VCL: variants seen among roughly 807,000 people sequenced by gnomAD.
The protein encoded by VCL is vinculin, also known as epididymis luminal protein 114.
In VCL, 47 loss-of-function variants were observed where a neutral mutation model predicts 125.7. That is an observed-to-expected ratio of 0.37 (90% CI 0.30 to 0.48). VCL has a LOEUF of 0.48. Among genes scored for constraint, VCL ranks in the 20% least tolerant of loss-of-function variants. The pLI, the probability that VCL is intolerant of heterozygous loss-of-function variation, is 0.99. For synonymous variants in VCL, 458 were observed against 514.6 expected (o/e 0.89, Z 1.49); for missense variants, 1,069 against 1,455.5 (o/e 0.73, Z 4.32).
chr10:74,098,825 TC>T (rs1840009100), intron 13 of VCL, among the ~76,000 whole-genome samples: 1 of 152,158 alleles, frequency 6.6e-6, no homozygotes, highest in South Asian at 2.1e-4. Context: ...TTTTTTTAAT[TC>T]CAGACTTCTC....
intron 16 of VCL, 132 bp from the exon 17 acceptor site, chr10:74,107,098 C>T: frequency 1.4e-6 from 2 of 1,458,224 alleles, no homozygotes; most frequent in South Asian, 2.4e-5. Flanking sequence ...CCCCCTTCTT[C>T]AATCACTGCC....
intron 2 of VCL, among the ~76,000 whole-genome samples, chr10:74,062,367 AT>A (rs34306365): frequency 7.4e-4 from 84 of 113,936 alleles, no homozygotes; most frequent in African/African-American, 1.2e-3. Flanking sequence ...GCCTGGCCTG[AT>A]TTTTTTTTTT....
chr10:74,007,005 G>T (rs932420728), intron 1 of VCL, among the ~76,000 whole-genome samples: 3 of 152,000 alleles, frequency 2.0e-5, no homozygotes, highest in Admixed American at 2.0e-4. Context: ...TTGCTCTGCT[G>T]CTCAGGCTGG....
At chr10:74,019,635 T>TGTGTAGA (rs1336449103) in intron 1 of VCL, among the ~76,000 whole-genome samples, 2 of 152,140 alleles carry the variant, frequency 1.3e-5, no homozygotes, top group African/African-American at 4.8e-5. Flanking sequence ...ATCTGCAGCA[T>TGTGTAGA]GTGTAGAGTA....
chr10:74,048,852 G>A (rs1049331257), intron 2 of VCL, among the ~76,000 whole-genome samples: 8 of 152,176 alleles, frequency 5.3e-5, no homozygotes, highest in African/African-American at 1.9e-4. Flanking sequence ...CAGGCGTGGT[G>A]GCTCATGCCT....
intron 19 of VCL, among the ~76,000 whole-genome samples, chr10:74,113,936 C>G (rs1253030943): frequency 6.6e-6 from 1 of 152,146 alleles, no homozygotes; most frequent in Non-Finnish European, 1.5e-5. Flanking sequence ...CTCTCCCTCT[C>G]CTTTCCCCCT....
In VCL at chr10:74,112,014, C is replaced by T. The variant is rs774356864; in HGVS notation, c.2851C>T (p.Pro951Ser). The stretch of plus-strand genomic sequence containing the variant: ...CCCTGACATGGAAGACGATTACGAA[C>T]CTGAGCTGCTGTTAATGCCATCCAA... The part of the protein sequence containing the change: ...VPPDMEDDYE[P>S]ELLLMPSNQP... Residue 951 changes from proline (P) to serine (S), a missense_variant, in exon 19 of 22, where the codon CCT (proline) becomes TCT (serine). Around this residue, in one of 6 missense-constraint regions of VCL, gnomAD observed 86 missense variants for 91.0 expected, o/e 0.95. Transcript: ENST00000211998. 3.7e-6 allele frequency: 6 copies of T among 1,614,102 alleles called. No individual in the cohort carries two copies. In the Admixed American group the frequency reaches 8.3e-5, roughly 22 times the overall value.
chr10:74,032,240 T>TAA (rs770412004), intron 1 of VCL, among the ~76,000 whole-genome samples: 3,080 of 75,950 alleles, frequency 0.041, 178 homozygotes, highest in African/African-American at 0.13. Flanking sequence ...TGTTTCAGAA[T>TAA]AAAAAAAAAA....
chr10:73,999,361 C>T (rs1840182299), intron 1 of VCL, among the ~76,000 whole-genome samples: 1 of 152,148 alleles, frequency 6.6e-6, no homozygotes, highest in Non-Finnish European at 1.5e-5. Flanking sequence ...TGACTCATAA[C>T]CGAGGTGATT....
At chr10:74,023,388 T>C (rs1840709639) in intron 1 of VCL, among the ~76,000 whole-genome samples, 1 of 152,234 alleles carries the variant, frequency 6.6e-6, no homozygotes, top group Non-Finnish European at 1.5e-5. Flanking sequence ...TTTGTGTAAG[T>C]ATACTCTATG....
At chr10:74,031,727 T>G (rs889396640) in intron 1 of VCL, among the ~76,000 whole-genome samples, 2 of 152,012 alleles carry the variant, frequency 1.3e-5, no homozygotes, top group African/African-American at 4.8e-5. Context: ...GAGATCAGCC[T>G]GGTCACCATG....
At chr10:74,054,207 A>C (rs1241753335) in intron 2 of VCL, among the ~76,000 whole-genome samples, 2 of 152,194 alleles carry the variant, frequency 1.3e-5, no homozygotes, top group African/African-American at 4.8e-5. Context: ...TGTTTCAACT[A>C]TCAGCTTATG....
chr10:74,084,425 G>T (rs985759109), intron 8 of VCL, among the ~76,000 whole-genome samples: 6 of 151,096 alleles, frequency 4.0e-5, no homozygotes, highest in African/African-American at 1.5e-4. Flanking sequence ...CCAAGTAGCT[G>T]GGATTACAGG....
Position 74,118,158 on chromosome 10 carries a change from T to G in VCL, c.3394T>G (p.Trp1132Gly), listed in dbSNP as rs1408431745. ...FTLRWVRKTP[W>G]YQ is the part of the protein sequence containing the mutation. ...ACTGCGCTGGGTTAGAAAGACTCCC[T>G]GGTACCAGTAGGCACCTGGCTGAGC... The change falls in exon 22 of 22, where the codon TGG (tryptophan) becomes GGG (glycine). Residue 1132 changes from tryptophan (W) to glycine (G), a missense_variant. This residue lies in a region of VCL where 91 missense variants were observed against 203.9 expected (regional missense o/e 0.45). Coordinates refer to ENST00000211998, the MANE Select transcript of VCL (RefSeq NM_014000.3). 1 of 1,614,128 alleles carries G rather than the reference T, an allele frequency of 6.2e-7. No individual in the cohort carries two copies. Among genetic ancestry groups the G allele is most frequent in the Admixed American group, 1.7e-5 (1 of 60,018 alleles).
chr10:74,034,267 C>T (rs1477605446), intron 1 of VCL, among the ~76,000 whole-genome samples: 5 of 152,308 alleles, frequency 3.3e-5, no homozygotes, highest in East Asian at 1.9e-4. Flanking sequence ...CAAGGCCCTC[C>T]ATGATGTGGC....
chr10:74,052,680 C>T (rs1841324903), intron 2 of VCL, among the ~76,000 whole-genome samples: 1 of 151,736 alleles, frequency 6.6e-6, no homozygotes, highest in Admixed American at 6.6e-5. Context: ...CTTGGCCCTT[C>T]AGTTACTTTT....
chr10:74,060,419 G>A lies in VCL; in HGVS notation c.240-10251G>A, dbSNP rs535725826. Among the ~76,000 whole-genome samples, 16 of 152,162 alleles carry A rather than the reference G, an allele frequency of 1.1e-4. No individual in the cohort carries two copies. In the South Asian group the frequency reaches 2.9e-3, roughly 28 times the overall value. On this transcript the variant is annotated intron_variant, in intron 2 of 21. Transcript: ENST00000211998. ...TGTAATCCCAGCATTTTGGAAGACC[G>A]AAGTGGGTGGATCACTTGAGGTCAG...
chr10:74,057,527 C>T (rs1422778069), intron 2 of VCL, among the ~76,000 whole-genome samples: 2 of 152,132 alleles, frequency 1.3e-5, no homozygotes, highest in Non-Finnish European at 2.9e-5. Flanking sequence ...CCTGCCTGTA[C>T]CCCAAACCCC....
At chr10:74,112,701 A>G (rs969550260) in intron 19 of VCL, among the ~76,000 whole-genome samples, 1 of 152,132 alleles carries the variant, frequency 6.6e-6, no homozygotes, top group Non-Finnish European at 1.5e-5. Flanking sequence ...GGAGTGGGAA[A>G]TGGAGTACTC....
Sources: gnomAD v4.1 joint callset for allele counts (sites outside exome capture counted in the v4.1 genomes callset) on GRCh38, gnomAD v4.1.1 for gene constraint, gnomAD v4.1.1 regional missense constraint, MANE v1.5 for transcripts, NCBI Gene and HGNC (gene_info 2026-07-23, HGNC 2026-07-21) for gene names.